SYNJ2: variants seen among roughly 807,000 people sequenced by gnomAD.
SYNJ2 encodes the protein polyphosphatidylinositol phosphatase SYNJ2.
In SYNJ2, 116 loss-of-function variants were observed where a neutral mutation model predicts 141.3. The observed-to-expected ratio is 0.82, with a 90% CI of 0.71 to 0.96. The LOEUF (loss-of-function observed/expected upper bound fraction) is 0.96, where lower values mean the gene tolerates loss of function less well. Among genes scored for constraint, SYNJ2 ranks in the 40% least tolerant of loss-of-function variants. SYNJ2 has a pLI of 0.00. For synonymous variants in SYNJ2, 745 were observed against 777.7 expected, an observed-to-expected ratio of 0.96 and a Z score of 0.70; for missense variants, 1,873 against 1,934.8, an observed-to-expected ratio of 0.97 and a Z score of 0.60.
intron 4 of SYNJ2, among the ~76,000 whole-genome samples, chr6:158,039,362 A>G (rs182000934): frequency 3.2e-4 from 49 of 152,358 alleles, no homozygotes; most frequent in Middle Eastern, 3.4e-3. Flanking sequence ...AGAGTGGAGC[A>G]AGGCTCAGCC....
chr6:158,037,696 C>A (rs761946609), intron 4 of SYNJ2, among the ~76,000 whole-genome samples: 2 of 152,046 alleles, frequency 1.3e-5, no homozygotes, highest in Non-Finnish European at 2.9e-5. Context: ...CCACTGAGCC[C>A]GGCCCAGTTG....
intron 1 of SYNJ2, among the ~76,000 whole-genome samples, chr6:158,007,675 T>C (rs1350906134): frequency 6.6e-6 from 1 of 152,100 alleles, no homozygotes; most frequent in Non-Finnish European, 1.5e-5. Context: ...GGAGTTTCGC[T>C]CTTGTCACGC....
intron 22 of SYNJ2, 81 bp from the exon 23 acceptor site, chr6:158,086,774 G>A (rs200664607): frequency 4.6e-6 from 6 of 1,304,696 alleles, no homozygotes; most frequent in African/African-American, 1.6e-5. Context: ...TGCCACAGTC[G>A]GCCTCCTGTG....
intron 5 of SYNJ2, among the ~76,000 whole-genome samples, chr6:158,049,993 C>T (rs1424924877): frequency 2.7e-5 from 4 of 150,472 alleles, no homozygotes; most frequent in Admixed American, 6.6e-5. Flanking sequence ...GGTGTGCACC[C>T]GGCTCTGCAG....
chr6:157,992,265 A>G (rs978161375), intron 1 of SYNJ2, among the ~76,000 whole-genome samples: 1 of 151,946 alleles, frequency 6.6e-6, no homozygotes, highest in Non-Finnish European at 1.5e-5. Context: ...CCTCCTCCCT[A>G]GACCCCCGCC....
chr6:158,088,488 GAGTC>G (rs1195647256), intron 23 of SYNJ2, among the ~76,000 whole-genome samples, 168 bp from the exon 24 acceptor site: 2 of 152,136 alleles, frequency 1.3e-5, no homozygotes, highest in Non-Finnish European at 2.9e-5. Context: ...ACTCCATAGA[GAGTC>G]AAGGAAGGCC....
chr6:158,030,211 G>A (rs924929818), intron 3 of SYNJ2, among the ~76,000 whole-genome samples: 3 of 152,196 alleles, frequency 2.0e-5, no homozygotes, highest in East Asian at 1.9e-4. Context: ...TGTCAGATTC[G>A]CACTGATGCC....
rs35786264 is a variant in SYNJ2, at chr6:158,071,002, G to A, written c.1941-600G>A. Among the ~76,000 whole-genome samples, 9,388 of 152,174 alleles carry A rather than the reference G, an allele frequency of 0.062. 412 individuals are homozygous for A. Among genetic ancestry groups the A allele is most frequent in the Middle Eastern group, 0.099 (29 of 294 alleles). ...GTTTGAGACCAGCCTGGCCAACATGGTGAAACCCTGCCTCTACTAAAAATA... is the reference window on the plus strand; with the variant it reads ...GTTTGAGACCAGCCTGGCCAACATGATGAAACCCTGCCTCTACTAAAAATA... On this transcript the variant is annotated intron_variant, in intron 14 of 26. Coordinates refer to ENST00000355585, the MANE Select transcript of SYNJ2 (RefSeq NM_003898.4). This position sits in a 1 kb window ranked among gnomAD's most constrained non-coding sequence, Gnocchi z 4.3.
In SYNJ2 at chr6:158,084,680, C is replaced by T. The variant is rs781347404; in HGVS notation, c.3208+506C>T. 2.6e-4 allele frequency among the ~76,000 whole-genome samples: 39 copies of T among 152,104 alleles called. No homozygotes were observed. The highest frequency in any genetic ancestry group is 5.2e-4 in the Admixed American group (8 of 15,276). ...TAAAAATTAGCAGGGCATGGTGGTGCACATGCCTGTAATCCCAGCTACTCA... is the reference window on the plus strand; with the variant it reads ...TAAAAATTAGCAGGGCATGGTGGTGTACATGCCTGTAATCCCAGCTACTCA... On this transcript the variant is annotated intron_variant, in intron 22 of 26. Coordinates refer to ENST00000355585, the MANE Select transcript of SYNJ2 (RefSeq NM_003898.4). This position sits in a 1 kb window ranked among gnomAD's most constrained non-coding sequence, Gnocchi z 5.0.
chr6:158,046,098 A>G (rs373756204), intron 5 of SYNJ2, among the ~76,000 whole-genome samples: 12 of 152,120 alleles, frequency 7.9e-5, no homozygotes, highest in Admixed American at 7.2e-4. Flanking sequence ...ACCCACCACC[A>G]TGCCTGGCTA....
At chr6:158,022,074 T>C (rs9459154) in intron 2 of SYNJ2, among the ~76,000 whole-genome samples, 25,307 of 152,244 alleles carry the variant, frequency 0.17, 3,497 homozygotes, top group African/African-American at 0.38. Context: ...CCTGAGACCA[T>C]GCCGCATGGG....
rs1783741876 is a variant in SYNJ2 at position 158,095,498 on chromosome 6, G to A, written c.3745-120G>A. 14 of 1,319,908 alleles carry A rather than the reference G, an allele frequency of 1.1e-5. No individual in the cohort carries two copies. In the Admixed American group the frequency reaches 1.3e-4, roughly 12 times the overall value. The allele number at this position is 1,319,908 out of a possible 1,614,324, so 81.8% of individuals were successfully genotyped here. The stretch of plus-strand genomic sequence containing the variant: ...GGCACCCCACACATTCTCAAATCTC[G>A]AATTTGCTAGAATGTCAGCTTGGTC... On this transcript the variant is annotated intron_variant, in intron 26 of 26. Coordinates refer to ENST00000355585, the MANE Select transcript of SYNJ2 (RefSeq NM_003898.4).
At chr6:158,037,131 G>T (rs1779678227) in intron 4 of SYNJ2, among the ~76,000 whole-genome samples, 1 of 152,146 alleles carries the variant, frequency 6.6e-6, no homozygotes, top group Non-Finnish European at 1.5e-5. Flanking sequence ...CCCAAACTGG[G>T]TGGCCGAAAA....
intron 1 of SYNJ2, chr6:158,001,422 G>T (rs897420951): frequency 2.9e-5 from 4 of 139,918 alleles, no homozygotes; most frequent in African/African-American, 1.1e-4. Context: ...TTGAGATGGA[G>T]CCTGGCTCTT....
intron 7 of SYNJ2, among the ~76,000 whole-genome samples, chr6:158,060,306 G>T (rs575542485): frequency 1.6e-3 from 243 of 152,256 alleles, no homozygotes; most frequent in African/African-American, 5.6e-3. Context: ...CACCTGGCCA[G>T]GTTCCATCCC....
At chr6:158,026,819 C>G in intron 2 of SYNJ2, 3 of 985,222 alleles carry the variant, frequency 3.0e-6, no homozygotes, top group African/African-American at 1.7e-5. Flanking sequence ...TTTCCCTGCA[C>G]TGTGTCAGAA....
At chr6:158,052,792 C>A (rs1187830568) in intron 5 of SYNJ2, among the ~76,000 whole-genome samples, 1 of 152,004 alleles carries the variant, frequency 6.6e-6, no homozygotes, top group Non-Finnish European at 1.5e-5. Context: ...GTCAGTGTCT[C>A]TTTACTTAAG....
Position 158,099,081 on chromosome 6 carries a change from G to T in SYNJ2, c.*2717G>T, listed in dbSNP as rs911115154. On this transcript the variant is annotated 3_prime_UTR_variant, in exon 27 of 27. Coordinates refer to ENST00000355585, the MANE Select transcript of SYNJ2 (RefSeq NM_003898.4). ...AGGAAAGCTGCAAAGATTATTGGGG[G>T]ACTAGTGATTAATAAAATCCTGTAA... 2.6e-5 allele frequency: 4 copies of T among 152,122 alleles called. No homozygotes were observed. The highest frequency in any genetic ancestry group is 9.7e-5 in the African/African-American group (4 of 41,422). 9.4% of individuals were successfully genotyped at this position (152,122 alleles called of 1,614,324 possible).
intron 16 of SYNJ2, among the ~76,000 whole-genome samples, chr6:158,076,208 C>T (rs1275680759): frequency 6.6e-6 from 1 of 152,108 alleles, no homozygotes; most frequent in Admixed American, 6.5e-5. Flanking sequence ...GGAGAGCTGA[C>T]TTTCACTCTG....
Sources: gnomAD v4.1 joint callset for allele counts (sites outside exome capture counted in the v4.1 genomes callset) on GRCh38, gnomAD v4.1.1 for gene constraint, Gnocchi (gnomAD v3.1) non-coding constraint, MANE v1.5 for transcripts, NCBI Gene and HGNC (gene_info 2026-07-23, HGNC 2026-07-21) for gene names.